The following SLC14A2 variants were observed in gnomAD, a reference collection of about 807,000 sequenced individuals.
SLC14A2 encodes the protein solute carrier family 14 member 2, also known as urea transporter 2.
In SLC14A2, 91 loss-of-function variants were observed where a neutral mutation model predicts 104.6. The ratio of observed to expected loss-of-function variants is 0.87; its 90% CI spans 0.73 to 1.04. The LOEUF (loss-of-function observed/expected upper bound fraction) is 1.04, where lower values mean the gene tolerates loss of function less well. Ranked by LOEUF, SLC14A2 falls within the 50% of genes least tolerant of loss-of-function variation. SLC14A2 has a pLI of 0.00. For missense variants in SLC14A2, 1,189 were observed against 1,156.0 expected (o/e 1.03, Z -0.41); for synonymous variants, 476 against 466.4 (o/e 1.02, Z -0.27).
intron 1 of SLC14A2, among the ~76,000 whole-genome samples, chr18:45,242,926 T>C (rs1033846808): frequency 3.3e-5 from 5 of 152,224 alleles, no homozygotes; most frequent in Admixed American, 6.5e-5. Flanking sequence ...AGTATTGAAA[T>C]GTCAACCTCA....
At chr18:45,471,960 G>T (rs1413826285) in intron 1 of SLC14A2, among the ~76,000 whole-genome samples, 2 of 152,016 alleles carry the variant, frequency 1.3e-5, no homozygotes, top group Non-Finnish European at 2.9e-5. Flanking sequence ...CACGTGCCAT[G>T]GTGGTTTGCT....
intron 4 of SLC14A2, 112 bp downstream of exon 4, chr18:45,627,259 G>T (rs1418053795): frequency 4.4e-6 from 4 of 904,776 alleles, no homozygotes; most frequent in Admixed American, 4.4e-5. Flanking sequence ...AGTCTCCTGA[G>T]TATCAACTTT....
At chr18:45,497,370 G>T (rs1192419826) in intron 2 of SLC14A2, among the ~76,000 whole-genome samples, 1 of 152,188 alleles carries the variant, frequency 6.6e-6, no homozygotes, top group African/African-American at 2.4e-5. Flanking sequence ...GTTCAAAACA[G>T]AAAACGTTTC....
intron 2 of SLC14A2, among the ~76,000 whole-genome samples, chr18:45,576,940 G>A (rs998321515): frequency 1.3e-5 from 2 of 152,170 alleles, no homozygotes; most frequent in Admixed American, 1.3e-4. Context: ...GGGAGGCAGG[G>A]CAAGTAGGTT....
chr18:45,682,055 T>A (rs966860374), intron 19 of SLC14A2, among the ~76,000 whole-genome samples: 1 of 152,178 alleles, frequency 6.6e-6, no homozygotes, highest in African/African-American at 2.4e-5. Context: ...AAAAGGCATA[T>A]TATGTTCTGA....
intron 1 of SLC14A2, among the ~76,000 whole-genome samples, chr18:45,458,919 C>T (rs1296437788): frequency 1.3e-5 from 2 of 152,040 alleles, no homozygotes; most frequent in African/African-American, 4.8e-5. Flanking sequence ...TACTGATGTA[C>T]CGAAAGCTAT....
intron 2 of SLC14A2, among the ~76,000 whole-genome samples, chr18:45,538,408 T>C (rs776121252): frequency 5.3e-5 from 8 of 152,192 alleles, no homozygotes; most frequent in Non-Finnish European, 1.5e-5. Flanking sequence ...TCGTGAGGTT[T>C]CAGTTAAGCT....
intron 3 of SLC14A2, among the ~76,000 whole-genome samples, 156 bp from the exon 4 acceptor site, chr18:45,626,802 C>T (rs1341198432): frequency 1.3e-5 from 2 of 152,086 alleles, no homozygotes; most frequent in East Asian, 3.9e-4. Context: ...CCAGCCTCCC[C>T]TCTACCCCCA....
At chr18:45,675,039 C>A (rs1161035805) in intron 18 of SLC14A2, among the ~76,000 whole-genome samples, 13 of 152,318 alleles carry the variant, frequency 8.5e-5, no homozygotes, top group Non-Finnish European at 7.4e-5. Context: ...AAACTCCCCA[C>A]CCCCTTTCCC....
At chr18:45,331,466 C>T (rs538645356) in intron 1 of SLC14A2, among the ~76,000 whole-genome samples, 8 of 151,724 alleles carry the variant, frequency 5.3e-5, no homozygotes, top group South Asian at 2.1e-4. Flanking sequence ...CTGAGGCAGG[C>T]GGATCACAAG....
chr18:45,615,157 T>C (rs1599068145), upstream of SLC14A2: 1 of 152,220 alleles, frequency 6.6e-6, no homozygotes, highest in Admixed American at 6.5e-5. Flanking sequence ...CAGATGAAAC[T>C]TTGGACTTTG....
chr18:45,461,775 A>G (rs1012705771), intron 1 of SLC14A2, among the ~76,000 whole-genome samples: 6 of 152,234 alleles, frequency 3.9e-5, no homozygotes, highest in African/African-American at 1.4e-4. Context: ...TATTTGGGTT[A>G]AGGAGAATTA....
chr18:45,206,651 A>G, the SLC14A2 span, among the ~76,000 whole-genome samples: 1 of 152,188 alleles, frequency 6.6e-6, no homozygotes, highest in Non-Finnish European at 1.5e-5. Flanking sequence ...TTCCCTGTGT[A>G]TGTTCTAAGG....
intron 1 of SLC14A2, among the ~76,000 whole-genome samples, chr18:45,298,923 T>C (rs1327137961): frequency 6.6e-6 from 1 of 152,102 alleles, no homozygotes; most frequent in Admixed American, 6.5e-5. Flanking sequence ...TTTAAAGACA[T>C]AGTCTGGAGT....
At chr18:45,620,782 T>C (rs921664633) in intron 1 of SLC14A2, among the ~76,000 whole-genome samples, 10 of 152,246 alleles carry the variant, frequency 6.6e-5, no homozygotes, top group Admixed American at 5.9e-4. Context: ...TCCTTGATTA[T>C]ATGATGTATA....
intron 1 of SLC14A2, among the ~76,000 whole-genome samples, chr18:45,267,766 A>T (rs1196194394): frequency 6.6e-6 from 1 of 152,160 alleles, no homozygotes; most frequent in Non-Finnish European, 1.5e-5. Context: ...AAGGCAAGAA[A>T]CCAAACATCC....
intron 1 of SLC14A2, among the ~76,000 whole-genome samples, chr18:45,280,226 ACTGC>A (rs1033810311): frequency 6.6e-6 from 1 of 152,150 alleles, no homozygotes; most frequent in Non-Finnish European, 1.5e-5. Flanking sequence ...TTGTAGCCCC[ACTGC>A]CTGCCAGGAG....
chr18:45,622,573 C>T (rs761484932), intron 1 of SLC14A2, among the ~76,000 whole-genome samples: 38 of 152,134 alleles, frequency 2.5e-4, no homozygotes, highest in Admixed American at 5.9e-4. Flanking sequence ...TGAGGGCTGA[C>T]GTCACCTGGG....
At chr18:45,485,569 G>C (rs1389784511) in intron 2 of SLC14A2, among the ~76,000 whole-genome samples, 1 of 152,172 alleles carries the variant, frequency 6.6e-6, no homozygotes, top group Admixed American at 6.5e-5. Context: ...GGAAGAAAAT[G>C]GGTGCCCTCC....
Sources: gnomAD v4.1 joint callset for allele counts (sites outside exome capture counted in the v4.1 genomes callset) on GRCh38, gnomAD v4.1.1 for gene constraint, MANE v1.5 for transcripts, NCBI Gene and HGNC (gene_info 2026-07-23, HGNC 2026-07-21) for gene names.